TOR1AIP2: variants seen among roughly 807,000 people sequenced by gnomAD.
TOR1AIP2 encodes the protein torsin 1A interacting protein 2.
A neutral mutation model predicts 32.6 loss-of-function variants in TOR1AIP2; 20 were observed. The observed-to-expected ratio is 0.61, with a 90% CI of 0.43 to 0.89. The LOEUF is 0.89. Ranked by LOEUF, TOR1AIP2 falls within the 40% of genes least tolerant of loss-of-function variation. The pLI is 0.00. For missense variants in TOR1AIP2, 456 were observed against 553.8 expected, an observed-to-expected ratio of 0.82 and a Z score of 1.77; for synonymous variants, 214 against 210.8, an observed-to-expected ratio of 1.02 and a Z score of -0.13.
Position 179,872,317 on chromosome 1 carries a change from C to A in TOR1AIP2, c.-566+4922G>T, listed in dbSNP as rs566254211. On this transcript the variant is annotated intron_variant, in intron 2 of 6. Transcript: ENST00000609928. ...AATTTCACTTCAAAACACCAGCAGC[C>A]AAACCTTTAAGGCTAATACACAACT... 1.3e-4 allele frequency among the ~76,000 whole-genome samples: 20 copies of A among 152,316 alleles called. 1 individual carries two copies. In the South Asian group the frequency reaches 4.1e-3, roughly 32 times the overall value.
In TOR1AIP2 at chr1:179,856,016, A is replaced by C. The variant is rs1051644059; in HGVS notation, c.-146-3205T>G. On this transcript the variant is annotated intron_variant, in intron 3 of 6. Transcript: ENST00000609928. The stretch of plus-strand genomic sequence containing the variant: ...CAACATGGTGAAACCTCATCTCTAC[A>C]AAAAAAAAATACAAAAACTAGCCAG... Among the ~76,000 whole-genome samples the C allele has an allele frequency of 2.1e-4, 31 of 148,000 alleles. 1 individual carries two copies. Among genetic ancestry groups the C allele is most frequent in the African/African-American group, 7.4e-4 (30 of 40,456 alleles).
intron 2 of TOR1AIP2, among the ~76,000 whole-genome samples, chr1:179,870,954 G>A (rs1176979866): frequency 1.3e-5 from 2 of 152,216 alleles, no homozygotes; most frequent in East Asian, 3.8e-4. Flanking sequence ...CGCACCATGT[G>A]CTAGGCCCAA....
Position 179,845,577 on chromosome 1 carries a change from C to G in TOR1AIP2, c.*494G>C, listed in dbSNP as rs994794638. ...GCAAAATTAATATAAGATATAATCC[C>G]GTAACTTTAGATTATTAAAGTAAGG... is the stretch of plus-strand genomic sequence containing the variant. On this transcript the variant is annotated 3_prime_UTR_variant, in exon 7 of 7. Coordinates refer to ENST00000609928, the MANE Select transcript of TOR1AIP2 (RefSeq NM_001199260.2). 1 of 152,592 alleles carries G rather than the reference C, an allele frequency of 6.6e-6. No individual in the cohort carries two copies. 9.5% of individuals were successfully genotyped at this position (152,592 alleles called of 1,614,324 possible).
chr1:179,862,263 A>G, intron 3 of TOR1AIP2: 1 of 978,150 alleles, frequency 1.0e-6, no homozygotes, highest in Non-Finnish European at 1.2e-6. Flanking sequence ...TTCTTAGTAT[A>G]TGTCCTTGTA....
chr1:179,863,832 T>C, intron 3 of TOR1AIP2: 1 of 985,360 alleles, frequency 1.0e-6, no homozygotes, highest in South Asian at 4.7e-5. Context: ...CTTTGAGATG[T>C]TTTCAACAGC....
At chr1:179,864,952 C>T in intron 3 of TOR1AIP2, 1 of 1,614,008 alleles carries the variant, frequency 6.2e-7, no homozygotes, top group Non-Finnish European at 8.5e-7. Context: ...TGGTGAGATT[C>T]TGGGGAGCCC....
chr1:179,877,136 C>A (rs1647388621), intron 2 of TOR1AIP2, 103 bp downstream of exon 2: 1 of 152,056 alleles, frequency 6.6e-6, no homozygotes, highest in African/African-American at 2.4e-5. Context: ...CGGCTTCTCA[C>A]CTTAAAGTCT....
chr1:179,847,693 T>TA, intron 5 of TOR1AIP2, 57 bp from the exon 6 acceptor site: 1 of 1,111,150 alleles, frequency 9.0e-7, no homozygotes, highest in Non-Finnish European at 1.4e-6. Context: ...ACAGTATGTA[T>TA]ACCTTTATAT....
At chr1:179,866,695 G>A (rs768784133) in intron 2 of TOR1AIP2, among the ~76,000 whole-genome samples, 5 of 152,176 alleles carry the variant, frequency 3.3e-5, no homozygotes, top group Non-Finnish European at 7.3e-5. Context: ...GTGAGCCACC[G>A]TGCCCGGGTG....
At chr1:179,850,710 C>T in intron 5 of TOR1AIP2, 135 bp downstream of exon 5, 1 of 1,073,712 alleles carries the variant, frequency 9.3e-7, no homozygotes, top group Non-Finnish European at 1.3e-6. Flanking sequence ...TTGGTGTGAG[C>T]TTGGGCAAGG....
chr1:179,855,773 G>A (rs1225939272), intron 3 of TOR1AIP2, among the ~76,000 whole-genome samples: 2 of 152,134 alleles, frequency 1.3e-5, no homozygotes, highest in African/African-American at 4.8e-5. Context: ...AAATCTAAAT[G>A]TTCATTAATA....
In TOR1AIP2 at chr1:179,844,143, CAG is replaced by C. The variant is rs1351692922; in HGVS notation, c.*1926_*1927del. On this transcript the variant is annotated 3_prime_UTR_variant, in exon 7 of 7. Coordinates refer to ENST00000609928, the MANE Select transcript of TOR1AIP2 (RefSeq NM_001199260.2). Reference sequence around the variant, plus strand: ...CGCTAGCATCTAAGATCTAAAAAGACAGAAAAAATGTGCATATGGGATACAGA... The same window carrying C: ...CGCTAGCATCTAAGATCTAAAAAGACAAAAAATGTGCATATGGGATACAGA... 6.6e-6 allele frequency: 1 copy of C among 152,174 alleles called. No homozygotes were observed. Among genetic ancestry groups the C allele is most frequent in the South Asian group, 2.1e-4 (1 of 4,834 alleles). The allele number at this position is 152,174 out of a possible 1,614,324, so 9.4% of individuals were successfully genotyped here. A position where few individuals can be genotyped will look rare whatever the true frequency, so the allele number is the denominator to read the frequency against.
At chr1:179,857,377 T>G (rs1226072981) in intron 3 of TOR1AIP2, among the ~76,000 whole-genome samples, 1 of 152,162 alleles carries the variant, frequency 6.6e-6, no homozygotes, top group Non-Finnish European at 1.5e-5. Context: ...GGCTGTAAGG[T>G]TTTATTCTCC....
chr1:179,846,580 G>T lies in TOR1AIP2; in HGVS notation c.904C>A (p.Arg302=), dbSNP rs754992879. Residue 302 remains arginine (R), a synonymous_variant, in exon 7 of 7, where the codon CGG becomes AGG. Coordinates refer to ENST00000609928, the MANE Select transcript of TOR1AIP2 (RefSeq NM_001199260.2). ...EPATIIFTAA[R]EGRETLKCLS... ...CACTTCAGGGTCTCTCTTCCCTCCC[G>T]AGCTGCTGTAAATATGATGGTGGCT... 1.9e-6 allele frequency: 3 copies of T among 1,613,988 alleles called. No homozygotes were observed. Among genetic ancestry groups the T allele is most frequent in the Non-Finnish European group, 2.5e-6 (3 of 1,180,034 alleles).
rs74842742 is a variant in TOR1AIP2, at chr1:179,842,436, T to C, written c.*3635A>G. The C allele has an allele frequency of 8.5e-4, 129 of 152,336 alleles. No homozygotes were observed. The highest frequency in any genetic ancestry group is 2.7e-3 in the African/African-American group (113 of 41,584). The allele number at this position is 152,336 out of a possible 1,614,324, so 9.4% of individuals were successfully genotyped here. ...TTAGTGATATGAACACCTTTAGTGA[T>C]ATGAACTTGTCCGCCAACTCCTGGA... is the stretch of plus-strand genomic sequence containing the variant. On this transcript the variant is annotated 3_prime_UTR_variant, in exon 7 of 7. Coordinates refer to ENST00000609928, the MANE Select transcript of TOR1AIP2 (RefSeq NM_001199260.2).
intron 3 of TOR1AIP2, chr1:179,861,270 T>C (rs916796547): frequency 1.4e-5 from 14 of 984,722 alleles, no homozygotes; most frequent in Middle Eastern, 5.2e-4. Flanking sequence ...CATTTATATT[T>C]TAATAAAATT....
intron 3 of TOR1AIP2, among the ~76,000 whole-genome samples, chr1:179,856,617 C>T (rs1696311889): frequency 6.7e-6 from 1 of 148,372 alleles, no homozygotes; most frequent in Admixed American, 6.8e-5. Flanking sequence ...AGAGGCAGGT[C>T]AATCTTTTTT....
rs1335965712 is a variant in TOR1AIP2 at position 179,863,167 on chromosome 1, A to G, written c.-147+2269T>C. 3 of 783,388 alleles carry G rather than the reference A, an allele frequency of 3.8e-6. No individual in the cohort carries two copies. The African/African-American group carries it at 6.0e-5, about 16-fold the overall frequency. The allele number at this position is 783,388 out of a possible 1,614,324, so 48.5% of individuals were successfully genotyped here. A position where few individuals can be genotyped will look rare whatever the true frequency, so the allele number is the denominator to read the frequency against. On this transcript the variant is annotated intron_variant, in intron 3 of 6. Coordinates refer to ENST00000609928, the MANE Select transcript of TOR1AIP2 (RefSeq NM_001199260.2). ...CTTGAACCCGGAAGGCAGAGGTTGC[A>G]GTGAACCAAGACTGCCACTGCACTC...
rs950693061 is a variant in TOR1AIP2 at position 179,863,747 on chromosome 1, T to C, written c.-147+1689A>G. The C allele has an allele frequency of 2.2e-4, 212 of 983,774 alleles. 1 individual carries two copies. The highest frequency in any genetic ancestry group is 2.4e-4 in the Non-Finnish European group (203 of 829,728). The allele number at this position is 983,774 out of a possible 1,614,324, so 60.9% of individuals were successfully genotyped here. On this transcript the variant is annotated intron_variant, in intron 3 of 6. Transcript: ENST00000609928. ...CAAAGAAGCTGGGACCTTGATAATA[T>C]TGATAATATTGCTAAAAGCACTAGA...
Sources: allele counts gnomAD v4.1 joint callset (sites outside exome capture counted in the v4.1 genomes callset), GRCh38; gene constraint gnomAD v4.1.1; transcripts MANE v1.5; gene names NCBI Gene and HGNC (gene_info 2026-07-23, HGNC 2026-07-21).